WDFY3: variants seen among roughly 807,000 people sequenced by gnomAD.
WDFY3 encodes the protein WD repeat and FYVE domain containing 3, also known as WD repeat and FYVE domain-containing protein 3.
In WDFY3, 66 loss-of-function variants were observed where a neutral mutation model predicts 409.6. That is an observed-to-expected ratio of 0.16 (90% confidence interval 0.13 to 0.20). The LOEUF is 0.20. Among genes scored for constraint, WDFY3 ranks in the 10% least tolerant of loss-of-function variants. The pLI is 1.00. For missense variants in WDFY3, 3,031 were observed against 4,298.1 expected (o/e 0.71, Z 8.24); for synonymous variants, 1,521 against 1,537.1 (o/e 0.99, Z 0.25).
intron 36 of WDFY3, among the ~76,000 whole-genome samples, chr4:84,746,639 C>G (rs2149265131): frequency 6.6e-6 from 1 of 151,960 alleles, no homozygotes; most frequent in African/African-American, 2.4e-5. Flanking sequence ...GTTTGATGTT[C>G]TTACTGAGAT....
chr4:84,682,800 G>A, intron 63 of WDFY3: 1 of 253,238 alleles, frequency 3.9e-6, no homozygotes, highest in East Asian at 9.7e-5. Context: ...AGGTCAACAT[G>A]GTGAAACCCT....
In WDFY3 at chr4:84,792,193, A is replaced by C. The variant is rs542822075; in HGVS notation, c.3488-2286T>G. 3.9e-5 allele frequency among the ~76,000 whole-genome samples: 6 copies of C among 152,332 alleles called. No homozygotes were observed. In the South Asian group the frequency reaches 1.2e-3, roughly 32 times the overall value. ...GCACATACTTAAATACCAAGATTAT[A>C]TTTTAGAATGGCAATTCAGAATATA... On this transcript the variant is annotated intron_variant, in intron 21 of 67. Coordinates refer to ENST00000295888, the MANE Select transcript of WDFY3 (RefSeq NM_014991.6).
chr4:84,812,352 C>G (rs564287506), intron 13 of WDFY3, among the ~76,000 whole-genome samples: 1 of 151,992 alleles, frequency 6.6e-6, no homozygotes, highest in Non-Finnish European at 1.5e-5. Context: ...TGCGCATGCA[C>G]GCACACACAC....
intron 1 of WDFY3, among the ~76,000 whole-genome samples, chr4:84,952,089 T>G (rs1423464724): frequency 6.6e-6 from 1 of 152,180 alleles, no homozygotes; most frequent in Non-Finnish European, 1.5e-5. Flanking sequence ...AACTTTTCCC[T>G]GCCCTGCTCC....
intron 1 of WDFY3, among the ~76,000 whole-genome samples, chr4:84,940,830 T>A (rs1772018794): frequency 6.6e-6 from 1 of 152,108 alleles, no homozygotes; most frequent in African/African-American, 2.4e-5. Context: ...TACATCATGA[T>A]GAAGTGCATT....
chr4:84,885,330 ATGTGTGTGTGTGTGTGTG>A (rs70943380), intron 3 of WDFY3, among the ~76,000 whole-genome samples: 4 of 145,550 alleles, frequency 2.7e-5, no homozygotes, highest in East Asian at 2.0e-4. Context: ...ACATATACAT[ATGTGTGTGTGTGTGTGTG>A]TGTGTGTGTG....
At chr4:84,782,243 C>T (rs1027578666) in intron 25 of WDFY3, among the ~76,000 whole-genome samples, 3 of 152,264 alleles carry the variant, frequency 2.0e-5, no homozygotes, top group African/African-American at 7.2e-5. Flanking sequence ...TATACCAAAT[C>T]ATGAAACAAT....
chr4:84,787,412 C>T, intron 23 of WDFY3, 70 bp downstream of exon 23: 1 of 1,425,716 alleles, frequency 7.0e-7, no homozygotes, highest in Non-Finnish European at 9.7e-7. Flanking sequence ...TAACCTCAGA[C>T]ACACACATGC....
At chr4:84,853,337 A>AT (rs906611941) in intron 4 of WDFY3, among the ~76,000 whole-genome samples, 2 of 150,612 alleles carry the variant, frequency 1.3e-5, no homozygotes, top group African/African-American at 2.4e-5. Flanking sequence ...CACCCGGCTA[A>AT]TTTTTTTTGT....
At chr4:84,707,449 AG>A (rs942221016) in intron 53 of WDFY3, among the ~76,000 whole-genome samples, 1 of 152,172 alleles carries the variant, frequency 6.6e-6, no homozygotes, top group Non-Finnish European at 1.5e-5. Flanking sequence ...CATGGACAGT[AG>A]GAAAAGTATA....
chr4:84,737,814 G>C (rs1737709176), intron 40 of WDFY3, among the ~76,000 whole-genome samples: 1 of 152,118 alleles, frequency 6.6e-6, no homozygotes. Context: ...TTCCTTGTTT[G>C]TATGCCTGAC....
At chr4:84,775,518 C>T (rs773017183) in intron 27 of WDFY3, among the ~76,000 whole-genome samples, 20 of 150,442 alleles carry the variant, frequency 1.3e-4, no homozygotes, top group South Asian at 6.3e-4. Flanking sequence ...GAGATACTTC[C>T]GAAAAAAAAT....
At chr4:84,901,566 G>A (rs1434648255) in intron 2 of WDFY3, among the ~76,000 whole-genome samples, 1 of 152,124 alleles carries the variant, frequency 6.6e-6, no homozygotes, top group East Asian at 1.9e-4. Flanking sequence ...CAGGTATTCT[G>A]TTTTAAGCAA....
At position 84,786,000 on chromosome 4, in the gene WDFY3, A is replaced by C. The variant is rs1482849616; in HGVS notation, c.4041T>G (p.Asp1347Glu). 15 of 1,613,778 alleles carry C rather than the reference A, an allele frequency of 9.3e-6. No homozygotes were observed. The highest frequency in any genetic ancestry group is 2.7e-5 in the African/African-American group (2 of 74,902). Residue 1347 changes from aspartate to glutamate, a missense_variant, in exon 24 of 68, where the codon GAT becomes GAG. By Grantham distance (45) the Asp-to-Glu change is conservative. Around this residue, in one of 16 missense-constraint regions of WDFY3, gnomAD observed 1,322 missense variants for 1,697.9 expected, o/e 0.78. Coordinates refer to ENST00000295888, the MANE Select transcript of WDFY3 (RefSeq NM_014991.6). ...ARIRKVYNKL[D>E]SKAIAKQLGI... ...TTACCTGCTTAGCAATGGCTTTGCT[A>C]TCCAATTTGTTATACACTTTCCGGA...
intron 16 of WDFY3, among the ~76,000 whole-genome samples, chr4:84,802,449 T>G (rs1042091057): frequency 9.2e-5 from 14 of 151,680 alleles, no homozygotes; most frequent in African/African-American, 2.9e-4. Flanking sequence ...TTTGTATTTT[T>G]AGTAGAGGCA....
chr4:84,705,701 A>G (rs971029753), intron 53 of WDFY3, among the ~76,000 whole-genome samples, 190 bp from the exon 54 acceptor site: 4 of 152,244 alleles, frequency 2.6e-5, no homozygotes, highest in African/African-American at 9.6e-5. Flanking sequence ...AGACAGGCAC[A>G]TGGGAGTTGG....
chr4:84,763,768 T>C (rs1743125996), intron 32 of WDFY3, among the ~76,000 whole-genome samples: 1 of 152,116 alleles, frequency 6.6e-6, no homozygotes, highest in Non-Finnish European at 1.5e-5. Flanking sequence ...TTAAATTGAA[T>C]ACCTAGATAT....
At chr4:84,781,387 CTTTTGTTTTTT>C (rs922406373) in intron 25 of WDFY3, among the ~76,000 whole-genome samples, 7 of 145,100 alleles carry the variant, frequency 4.8e-5, no homozygotes, top group Non-Finnish European at 1.0e-4. Context: ...CCTTCTTTCC[CTTTTGTTTTTT>C]TTTTTTTTTT....
At chr4:84,881,964 G>A (rs11947757) in intron 3 of WDFY3, among the ~76,000 whole-genome samples, 9,975 of 152,016 alleles carry the variant, frequency 0.066, 449 homozygotes, top group Admixed American at 0.12. Context: ...TCGTATGGTC[G>A]TATTTATACT....
Sources: gnomAD v4.1 joint callset for allele counts (sites outside exome capture counted in the v4.1 genomes callset) on GRCh38, gnomAD v4.1.1 for gene constraint, gnomAD v4.1.1 regional missense constraint, MANE v1.5 for transcripts, NCBI Gene and HGNC (gene_info 2026-07-23, HGNC 2026-07-21) for gene names.